ABI3BP: variants seen among roughly 807,000 people sequenced by gnomAD.
ABI3BP encodes target of Nesh-SH3.
A neutral mutation model predicts 268.6 loss-of-function variants in ABI3BP; 216 were observed. The ratio of observed to expected loss-of-function variants is 0.80; its 90% confidence interval spans 0.72 to 0.90. The LOEUF (loss-of-function observed/expected upper bound fraction) is 0.90. Among genes scored for constraint, ABI3BP ranks in the 40% least tolerant of loss-of-function variants. ABI3BP has a pLI of 0.00. For missense variants in ABI3BP, 2,090 were observed against 2,182.4 expected, an observed-to-expected ratio of 0.96 and a Z score of 0.84; for synonymous variants, 730 against 730.0, an observed-to-expected ratio of 1.00 and a Z score of 0.00.
Position 100,851,921 on chromosome 3 carries a change from T to C in ABI3BP, c.1305A>G (p.Ser435=). The change falls in exon 15 of 68, where the codon TCA becomes TCG. Residue 435 remains serine (S), a synonymous_variant. Transcript: ENST00000471714. ...QPQTATYDVF[S]SPTTSDEPEI... ...CAGGCTCATCTGATGTTGTAGGGCT[T>C]GAGAAAACATCATAAGTTGCTTAAA... 6.4e-7 allele frequency: 1 copy of C among 1,569,244 alleles called. No individual in the cohort carries two copies.
chr3:100,779,757 T>C (rs1445291378), intron 58 of ABI3BP, among the ~76,000 whole-genome samples: 1 of 151,946 alleles, frequency 6.6e-6, no homozygotes, highest in Admixed American at 6.6e-5. Context: ...ATCAGGAACA[T>C]AAGTAATATC....
intron 9 of ABI3BP, among the ~76,000 whole-genome samples, chr3:100,870,593 G>A (rs1054650467): frequency 2.0e-5 from 3 of 152,172 alleles, no homozygotes; most frequent in African/African-American, 7.2e-5. Context: ...TTATTGTTGA[G>A]GTGGAAATGT....
chr3:100,893,418 C>A (rs1219617609), intron 4 of ABI3BP, among the ~76,000 whole-genome samples: 1 of 152,014 alleles, frequency 6.6e-6, no homozygotes, highest in African/African-American at 2.4e-5. Context: ...TTAATCCTGT[C>A]CCTCTAGGAA....
At chr3:100,813,615 T>A in intron 45 of ABI3BP, 46 bp downstream of exon 45, 1 of 1,423,970 alleles carries the variant, frequency 7.0e-7, no homozygotes. Context: ...ACAGTATGCC[T>A]CTTAAAGCAC....
chr3:100,823,304 C>T (rs1212245812), intron 37 of ABI3BP, among the ~76,000 whole-genome samples, 154 bp downstream of exon 37: 1 of 152,178 alleles, frequency 6.6e-6, no homozygotes. Flanking sequence ...TCATGCATGA[C>T]TGCTTCTCTT....
At chr3:100,871,483 G>A (rs73137233) in intron 9 of ABI3BP, among the ~76,000 whole-genome samples, 1,916 of 152,278 alleles carry the variant, frequency 0.013, 19 homozygotes, top group Non-Finnish European at 0.021. Flanking sequence ...ATTCCCACAT[G>A]TTGCGGGAGG....
At chr3:100,794,193 C>G (rs967183818) in intron 54 of ABI3BP, among the ~76,000 whole-genome samples, 5 of 151,994 alleles carry the variant, frequency 3.3e-5, no homozygotes, top group African/African-American at 1.2e-4. Context: ...GCTCTTTTCT[C>G]TATCACACTC....
At chr3:100,842,996 T>C (rs1415785748) in intron 20 of ABI3BP, among the ~76,000 whole-genome samples, 2 of 152,210 alleles carry the variant, frequency 1.3e-5, no homozygotes, top group African/African-American at 4.8e-5. Context: ...TTATCAGGAA[T>C]GATCTCTGAT....
intron 60 of ABI3BP, 35 bp from the exon 61 acceptor site, chr3:100,774,708 A>G (rs758403905): frequency 1.2e-5 from 17 of 1,457,472 alleles, no homozygotes; most frequent in African/African-American, 8.6e-5. Flanking sequence ...TTTTGGCAAA[A>G]GATAAAAAAG....
chr3:100,832,083 G>A (rs2098503755), intron 31 of ABI3BP, among the ~76,000 whole-genome samples, 181 bp downstream of exon 31: 1 of 152,136 alleles, frequency 6.6e-6, no homozygotes, highest in South Asian at 2.1e-4. Context: ...ATCATCAGCA[G>A]AGAAGATCCC....
At chr3:100,869,397 A>G (rs9836940) in intron 9 of ABI3BP, among the ~76,000 whole-genome samples, 85,663 of 136,618 alleles carry the variant, frequency 0.63, 26,502 homozygotes, top group Admixed American at 0.68. Flanking sequence ...GGATACAGTG[A>G]CATGATAATA....
At chr3:100,774,787 T>G in intron 60 of ABI3BP, 114 bp from the exon 61 acceptor site, 1 of 836,238 alleles carries the variant, frequency 1.2e-6, no homozygotes. Context: ...CTGCTTGCAG[T>G]TTTGATTTTT....
chr3:100,941,631 C>T (rs1332971610), intron 1 of ABI3BP, among the ~76,000 whole-genome samples: 1 of 152,098 alleles, frequency 6.6e-6, no homozygotes, highest in African/African-American at 2.4e-5. Context: ...GCCAATACTT[C>T]ACCGTCTGGT....
At chr3:100,839,488 G>T in intron 24 of ABI3BP, 81 bp downstream of exon 24, 1 of 1,376,752 alleles carries the variant, frequency 7.3e-7, no homozygotes, top group Non-Finnish European at 1.0e-6. Context: ...TGGTGGAACT[G>T]CAGTCATGCC....
chr3:100,926,194 G>A (rs1217251661), intron 2 of ABI3BP, 108 bp downstream of exon 2: 17 of 1,154,332 alleles, frequency 1.5e-5, no homozygotes, highest in Non-Finnish European at 2.0e-5. Context: ...ATTTGATTAA[G>A]CTAAGGATGT....
At chr3:100,806,658 A>G (rs922933330) in intron 50 of ABI3BP, among the ~76,000 whole-genome samples, 2 of 152,060 alleles carry the variant, frequency 1.3e-5, no homozygotes, top group African/African-American at 2.4e-5. Flanking sequence ...GTTTGCAGCT[A>G]CTTTCCGCAA....
intron 15 of ABI3BP, among the ~76,000 whole-genome samples, chr3:100,851,117 A>G (rs1464164417): frequency 6.6e-6 from 1 of 152,192 alleles, no homozygotes; most frequent in African/African-American, 2.4e-5. Flanking sequence ...AATATTATAC[A>G]TACAAAAAAT....
intron 10 of ABI3BP, 69 bp from the exon 11 acceptor site, chr3:100,864,976 C>A (rs1560995870): frequency 1.7e-6 from 2 of 1,205,964 alleles, no homozygotes; most frequent in African/African-American, 3.1e-5. Context: ...GGAGACACAT[C>A]CTGTTGCCTT....
intron 5 of ABI3BP, among the ~76,000 whole-genome samples, 191 bp downstream of exon 5, chr3:100,885,951 A>G (rs2041814040): frequency 6.6e-6 from 1 of 152,058 alleles, no homozygotes; most frequent in South Asian, 2.1e-4. Context: ...ACTTATTTTA[A>G]AAATCACTTA....
Sources: gnomAD v4.1 joint callset for allele counts (sites outside exome capture counted in the v4.1 genomes callset) on GRCh38, gnomAD v4.1.1 for gene constraint, MANE v1.5 for transcripts, NCBI Gene and HGNC (gene_info 2026-07-23, HGNC 2026-07-21) for gene names.